Variants in FOXP1 observed in about 807,000 individuals in gnomAD.
The protein encoded by FOXP1 is forkhead box protein P1.
A neutral mutation model predicts 98.2 loss-of-function variants in FOXP1; 15 were observed. That is an observed-to-expected ratio of 0.15 (90% confidence interval 0.10 to 0.24). The LOEUF (loss-of-function observed/expected upper bound fraction) is 0.24. Among genes scored for constraint, FOXP1 ranks in the 10% least tolerant of loss-of-function variants. The probability of loss-of-function intolerance (pLI) is 1.00; values close to 1 mark genes in which losing one functional copy is unlikely to be tolerated. For synonymous variants in FOXP1, 371 were observed against 314.5 expected (o/e 1.18, Z -1.90); for missense variants, 633 against 848.5 (o/e 0.75, Z 3.15).
Position 70,977,716 on chromosome 3 carries a change from A to C in FOXP1, c.1355T>G (p.Ile452Ser). 5 of 1,614,136 alleles carry C rather than the reference A, an allele frequency of 3.1e-6. No homozygotes were observed. Among genetic ancestry groups the C allele is most frequent in the Non-Finnish European group, 4.2e-6 (5 of 1,179,968 alleles). The change falls in exon 16 of 21, where the codon ATT becomes AGT. Residue 452 changes from isoleucine (I) to serine (S), a missense_variant. Physicochemically the swap from Ile to Ser is moderately radical, Grantham distance 142. Around this residue, in one of 6 missense-constraint regions of FOXP1, gnomAD observed 141 missense variants for 199.5 expected, o/e 0.71. Coordinates refer to ENST00000649528, the MANE Select transcript of FOXP1 (RefSeq NM_001349338.3). ...CTTATAAAATTCTTGGTTCTGCGCA[A>C]TATCTGCTGAATAAGAATCATTGTC... The part of the protein sequence containing the change: ...KYNVPISSAD[I>S]AQNQEFYKNA...
chr3:71,327,802 T>C (rs2076006385), intron 4 of FOXP1, among the ~76,000 whole-genome samples: 1 of 152,184 alleles, frequency 6.6e-6, no homozygotes, highest in Non-Finnish European at 1.5e-5. Flanking sequence ...TATATCTCAA[T>C]CTCAAAGTAT....
At chr3:71,206,869 G>T (rs924104350) in intron 5 of FOXP1, among the ~76,000 whole-genome samples, 1 of 152,062 alleles carries the variant, frequency 6.6e-6, no homozygotes, top group Non-Finnish European at 1.5e-5. Context: ...TTTAAGTGCC[G>T]TAATCATAGC....
intron 7 of FOXP1, among the ~76,000 whole-genome samples, chr3:71,101,110 A>G (rs1487930951): frequency 6.6e-6 from 1 of 152,202 alleles, no homozygotes; most frequent in Admixed American, 6.5e-5. Flanking sequence ...AGGAACGGAC[A>G]GAAAATACCA....
At chr3:71,511,864 CAT>C (rs749244862) in intron 2 of FOXP1, among the ~76,000 whole-genome samples, 5 of 152,146 alleles carry the variant, frequency 3.3e-5, no homozygotes, top group Non-Finnish European at 7.4e-5. Flanking sequence ...GATGTAAACA[CAT>C]GAAAATGTAA....
At chr3:71,054,377 G>A (rs1043857863) in intron 7 of FOXP1, among the ~76,000 whole-genome samples, 9 of 152,166 alleles carry the variant, frequency 5.9e-5, no homozygotes, top group Admixed American at 6.5e-5. Flanking sequence ...ATTAAAACCC[G>A]CTTTCCATGA....
chr3:71,562,412 C>T (rs73837402), intron 2 of FOXP1, among the ~76,000 whole-genome samples: 1,537 of 152,278 alleles, frequency 0.01, 27 homozygotes, highest in African/African-American at 0.034. Flanking sequence ...AAGGGTCATG[C>T]GGCTTGTCAG....
At chr3:71,186,395 A>C (rs942643209) in intron 6 of FOXP1, among the ~76,000 whole-genome samples, 4 of 152,240 alleles carry the variant, frequency 2.6e-5, no homozygotes, top group African/African-American at 7.2e-5. Flanking sequence ...CACTCCAGAA[A>C]TTGTGAAACA....
intron 4 of FOXP1, among the ~76,000 whole-genome samples, chr3:71,313,590 A>C (rs1331547673): frequency 2.0e-5 from 3 of 150,602 alleles, no homozygotes; most frequent in Admixed American, 1.3e-4. Flanking sequence ...CAGTGGCGCT[A>C]TCTCTGCTCA....
At chr3:71,351,050 T>C (rs549066584) in intron 4 of FOXP1, among the ~76,000 whole-genome samples, 1 of 152,216 alleles carries the variant, frequency 6.6e-6, no homozygotes, top group East Asian at 1.9e-4. Flanking sequence ...AGATCCAGAT[T>C]CCATGACAGC....
intron 2 of FOXP1, among the ~76,000 whole-genome samples, chr3:71,577,888 T>G (rs1349414672): frequency 6.6e-6 from 1 of 152,008 alleles, no homozygotes; most frequent in African/African-American, 2.4e-5. Context: ...GTTATTTTCT[T>G]TAGAAAACAA....
intron 2 of FOXP1, among the ~76,000 whole-genome samples, chr3:71,497,333 A>G (rs1270550285): frequency 6.6e-6 from 1 of 152,240 alleles, no homozygotes; most frequent in Non-Finnish European, 1.5e-5. Flanking sequence ...GACCAAAAAG[A>G]AACAATTTCC....
chr3:71,329,511 G>A (rs1327462914), intron 4 of FOXP1, among the ~76,000 whole-genome samples: 3 of 150,794 alleles, frequency 2.0e-5, no homozygotes, highest in African/African-American at 4.9e-5. Flanking sequence ...AAGCCACCGC[G>A]CCCGGCCACA....
At chr3:71,332,798 T>G (rs145928039) in intron 4 of FOXP1, 16 of 152,226 alleles carry the variant, frequency 1.1e-4, no homozygotes, top group African/African-American at 3.6e-4. Context: ...ATACAACAGA[T>G]GTGGAAAAGC....
At chr3:71,381,437 C>CTTTTTT (rs1171799165) in intron 3 of FOXP1, among the ~76,000 whole-genome samples, 5 of 77,696 alleles carry the variant, frequency 6.4e-5, no homozygotes, top group Non-Finnish European at 9.4e-5. Context: ...TGCGCCTGGC[C>CTTTTTT]TTTTTTTTTT....
intron 3 of FOXP1, among the ~76,000 whole-genome samples, chr3:71,456,505 C>A (rs959070947): frequency 2.0e-5 from 3 of 152,204 alleles, no homozygotes; most frequent in African/African-American, 7.2e-5. Flanking sequence ...TTTACATGTT[C>A]CCCTTGAGGG....
intron 6 of FOXP1, among the ~76,000 whole-genome samples, chr3:71,189,598 G>C (rs1466698416): frequency 6.6e-6 from 1 of 152,136 alleles, no homozygotes; most frequent in East Asian, 1.9e-4. Flanking sequence ...CTCTCTTTCT[G>C]TTTCATTGGT....
At chr3:71,337,239 T>C (rs2076740443) in intron 4 of FOXP1, among the ~76,000 whole-genome samples, 1 of 152,240 alleles carries the variant, frequency 6.6e-6, no homozygotes, top group Admixed American at 6.5e-5. Context: ...CAAGGTTCCC[T>C]GCCTTAAAAC....
intron 6 of FOXP1, among the ~76,000 whole-genome samples, chr3:71,161,326 G>T (rs1340666221): frequency 2.0e-5 from 3 of 152,142 alleles, no homozygotes; most frequent in Non-Finnish European, 4.4e-5. Flanking sequence ...GCTCATCTGG[G>T]CCTCCAAGAT....
At chr3:71,454,141 G>C (rs1310499765) in intron 3 of FOXP1, among the ~76,000 whole-genome samples, 2 of 152,150 alleles carry the variant, frequency 1.3e-5, no homozygotes, top group African/African-American at 4.8e-5. Flanking sequence ...CTGGAGTTTA[G>C]AACTACATTT....
Sources: allele counts gnomAD v4.1 joint callset (sites outside exome capture counted in the v4.1 genomes callset), GRCh38; gene constraint gnomAD v4.1.1; regional missense constraint gnomAD v4.1.1; transcripts MANE v1.5; gene names NCBI Gene and HGNC (gene_info 2026-07-23, HGNC 2026-07-21).